ING5: variants seen among roughly 807,000 people sequenced by gnomAD.
ING5 encodes the protein inhibitor of growth protein 5.
In ING5, 17 loss-of-function variants were observed where a neutral mutation model predicts 37.4. The ratio of observed to expected loss-of-function variants is 0.45; its 90% CI spans 0.31 to 0.68. The LOEUF is 0.68. ING5 is among the 30% of genes least tolerant of loss of function. The pLI is 0.05. For missense variants in ING5, 233 were observed against 311.9 expected, an observed-to-expected ratio of 0.75 and a Z score of 1.91; for synonymous variants, 123 against 116.6, an observed-to-expected ratio of 1.06 and a Z score of -0.36.
intron 7 of ING5, chr2:241,723,828 C>T (rs369259426): frequency 2.1e-5 from 34 of 1,583,138 alleles, no homozygotes; most frequent in Middle Eastern, 1.7e-4. Flanking sequence ...TGGGCAACAT[C>T]GGGAGACCCC....
At chr2:241,710,378 G>C (rs6437284) in intron 3 of ING5, among the ~76,000 whole-genome samples, 113,792 of 151,928 alleles carry the variant, frequency 0.75, 42,724 homozygotes, top group East Asian at 0.85. Flanking sequence ...CTGCAGTTCA[G>C]TGCAACCTCC....
intron 2 of ING5, among the ~76,000 whole-genome samples, chr2:241,707,527 G>T (rs1263971574): frequency 6.7e-6 from 1 of 149,188 alleles, no homozygotes; most frequent in Non-Finnish European, 1.5e-5. Flanking sequence ...CCTGACCTCA[G>T]GTTCATCCAC....
At chr2:241,687,406 T>TG (rs1015761991) in exon 1 of ING5, 5 of 398,846 alleles carry the variant, frequency 1.3e-5, no homozygotes, top group African/African-American at 2.1e-5. Context: ...AGGGGCAGGA[T>TG]GGGGGGCTGT....
chr2:241,722,071 C>T, intron 5 of ING5: 4 of 985,274 alleles, frequency 4.1e-6, no homozygotes, highest in Non-Finnish European at 4.8e-6. Context: ...CTGGTTGAGT[C>T]AGTATTGGGG....
At chr2:241,722,463 C>G in intron 5 of ING5, 1 of 985,412 alleles carries the variant, frequency 1.0e-6, no homozygotes, top group Non-Finnish European at 1.2e-6. Context: ...GCCCCCATGC[C>G]CCTGCCTGGG....
chr2:241,723,285 C>A lies in ING5; in HGVS notation c.680+14C>A. ...CAAAGGAAAATGGTGAGTGTGGGGA[C>A]GCTCGCTCTGTTTTCTCCCAGTCTG... On this transcript the variant is annotated intron_variant, in intron 7 of 7. Transcript: ENST00000313552. 1.9e-6 allele frequency: 3 copies of A among 1,613,420 alleles called. No homozygotes were observed. Among genetic ancestry groups the A allele is most frequent in the Non-Finnish European group, 2.5e-6 (3 of 1,179,308 alleles).
rs766088832 is a variant in ING5, at chr2:241,709,361, G to A, written c.255G>A (p.Leu85=). ...AATACAGTGACGACAAAGTGCAGCTGGCCATGCAGACCTACGAGATGGTGA... is the reference window on the plus strand; with the variant it reads ...AATACAGTGACGACAAAGTGCAGCTAGCCATGCAGACCTACGAGATGGTGA... ...CKEYSDDKVQ[L]AMQTYEMVDK... is the part of the protein sequence containing the mutation. Residue 85 remains leucine (L), a synonymous_variant, in exon 3 of 8, where the codon CTG becomes CTA. Coordinates refer to ENST00000313552, the MANE Select transcript of ING5 (RefSeq NM_032329.6). 1 of 1,613,714 alleles carries A rather than the reference G, an allele frequency of 6.2e-7. No homozygotes were observed. Among genetic ancestry groups the A allele is most frequent in the Non-Finnish European group, 8.5e-7 (1 of 1,179,888 alleles).
Position 241,709,323 on chromosome 2 carries a change from A to G in ING5, c.217A>G (p.Ser73Gly), listed in dbSNP as rs746119576. 6.2e-7 allele frequency: 1 copy of G among 1,614,146 alleles called. No individual in the cohort carries two copies. Among genetic ancestry groups the G allele is most frequent in the Non-Finnish European group, 8.5e-7 (1 of 1,180,032 alleles). The change falls in exon 3 of 8, where the codon AGC (serine) becomes GGC (glycine). Residue 73 changes from serine (S) to glycine (G), a missense_variant. This residue lies in a region of ING5 where 93 missense variants were observed against 99.7 expected (regional missense o/e 0.93). Coordinates refer to ENST00000313552, the MANE Select transcript of ING5 (RefSeq NM_032329.6). ...CCTGCAGAAGATCCAGAACGCCTAC[A>G]GCAAGTGCAAGGAATACAGTGACGA... The part of the protein sequence containing the change: ...ERLQKIQNAY[S>G]KCKEYSDDKV...
At chr2:241,702,745 C>T (rs924322923) in intron 1 of ING5, among the ~76,000 whole-genome samples, 1 of 152,226 alleles carries the variant, frequency 6.6e-6, no homozygotes. Context: ...GCTGAGCGGA[C>T]GGTGCTTTCC....
In ING5 at chr2:241,727,003, A is replaced by C. The variant is rs557458893; in HGVS notation, c.*1972A>C. The C allele has an allele frequency of 7.2e-5, 11 of 152,266 alleles. No homozygotes were observed. Among genetic ancestry groups the C allele is most frequent in the African/African-American group, 2.6e-4 (11 of 41,554 alleles). The allele number at this position is 152,266 out of a possible 1,614,324, so 9.4% of individuals were successfully genotyped here. ...GTAGAGACAGGGTTTCACCATGTTA[A>C]CCAGGATGGTCTCGATCTCCTGACC... On this transcript the variant is annotated 3_prime_UTR_variant, in exon 8 of 8. Coordinates refer to ENST00000313552, the MANE Select transcript of ING5 (RefSeq NM_032329.6).
chr2:241,726,429 G>A lies in ING5; in HGVS notation c.*1398G>A, dbSNP rs1691624546. On this transcript the variant is annotated 3_prime_UTR_variant, in exon 8 of 8. Coordinates refer to ENST00000313552, the MANE Select transcript of ING5 (RefSeq NM_032329.6). ...GTGTGAAGCTCTGTGTCTCAGACGGGGCCCTCCCGTCGAGAAGCTGGTAGT... is the reference window on the plus strand; with the variant it reads ...GTGTGAAGCTCTGTGTCTCAGACGGAGCCCTCCCGTCGAGAAGCTGGTAGT... 6.6e-6 allele frequency: 1 copy of A among 152,228 alleles called. No individual in the cohort carries two copies. Among genetic ancestry groups the A allele is most frequent in the African/African-American group, 2.4e-5 (1 of 41,440 alleles). The allele number at this position is 152,228 out of a possible 1,614,324, so 9.4% of individuals were successfully genotyped here.
Position 241,703,462 on chromosome 2 carries a change from G to A in ING5, c.38-1191G>A, listed in dbSNP as rs1370771333. 2.6e-5 allele frequency among the ~76,000 whole-genome samples: 4 copies of A among 152,202 alleles called. No homozygotes were observed. The East Asian group carries it at 7.7e-4, about 29-fold the overall frequency. The stretch of plus-strand genomic sequence containing the variant: ...GCGAAAGCAGCACGGGGGTCCTCCT[G>A]GCAGACTGTGGGGAATGGTTGCGCT... On this transcript the variant is annotated intron_variant, in intron 1 of 7. Transcript: ENST00000313552.
upstream of ING5, among the ~76,000 whole-genome samples, chr2:241,701,737 G>A (rs993351650): frequency 2.0e-5 from 3 of 152,166 alleles, no homozygotes; most frequent in Non-Finnish European, 4.4e-5. Flanking sequence ...GGTGGCCCAG[G>A]GGTCGCTGAC....
intron 1 of ING5, among the ~76,000 whole-genome samples, chr2:241,704,218 T>C (rs1045686385): frequency 2.0e-5 from 3 of 152,158 alleles, no homozygotes; most frequent in African/African-American, 7.2e-5. Context: ...TCACAGTCCT[T>C]CCGCTCCGCA....
chr2:241,703,905 C>T (rs2069821002), intron 1 of ING5, among the ~76,000 whole-genome samples: 4 of 152,156 alleles, frequency 2.6e-5, no homozygotes, highest in South Asian at 2.1e-4. Context: ...CACGCCCATC[C>T]GAGAGAGGAA....
At chr2:241,718,183 T>C (rs1483262092) in intron 5 of ING5, among the ~76,000 whole-genome samples, 1 of 152,028 alleles carries the variant, frequency 6.6e-6, no homozygotes, top group East Asian at 1.9e-4. Flanking sequence ...CGGCTAAGTT[T>C]TGTATTTTTA....
At chr2:241,724,775 A>G in intron 7 of ING5, 1 of 586,570 alleles carries the variant, frequency 1.7e-6, no homozygotes, top group Non-Finnish European at 3.0e-6. Flanking sequence ...TTGATGGTGT[A>G]TCTGTCAGCT....
Position 241,728,634 on chromosome 2 carries a change from C to T in ING5, c.*3603C>T, listed in dbSNP as rs1337633289. 3.3e-5 allele frequency: 5 copies of T among 152,448 alleles called. No individual in the cohort carries two copies. Among genetic ancestry groups the T allele is most frequent in the East Asian group, 3.9e-4 (2 of 5,182 alleles). 9.4% of individuals were successfully genotyped at this position (152,448 alleles called of 1,614,324 possible). ...GTGCTGCTGCTGGGGACATGGATGC[C>T]AAGCGGAGGCCTGCGTGGCCTCCTG... On this transcript the variant is annotated 3_prime_UTR_variant, in exon 8 of 8. Coordinates refer to ENST00000313552, the MANE Select transcript of ING5 (RefSeq NM_032329.6).
At position 241,719,522 on chromosome 2, in the gene ING5, G is replaced by T. The variant is rs764259126; in HGVS notation, c.483-3417G>T. The T allele has an allele frequency of 1.8e-5, 28 of 1,534,470 alleles. No individual in the cohort carries two copies. The East Asian group carries it at 6.6e-4, about 36-fold the overall frequency. On this transcript the variant is annotated intron_variant, in intron 5 of 7. Transcript: ENST00000313552. ...TGAGTCTTCCTGCTCCTTCCTGCTC[G>T]GAACCTGAAGGCCCTGTCCCGACCG...
Sources: gnomAD v4.1 joint callset for allele counts (sites outside exome capture counted in the v4.1 genomes callset) on GRCh38, gnomAD v4.1.1 for gene constraint, gnomAD v4.1.1 regional missense constraint, MANE v1.5 for transcripts, NCBI Gene and HGNC (gene_info 2026-07-23, HGNC 2026-07-21) for gene names.